Variants in CFAP46 observed in about 807,000 individuals in gnomAD.
The protein encoded by CFAP46 is cilia- and flagella-associated protein 46.
CFAP46 carries 245 observed loss-of-function variants against 325.7 expected under a neutral mutation model. That is an observed-to-expected ratio of 0.75 (90% CI 0.68 to 0.84). CFAP46 has a LOEUF of 0.84. Among genes scored for constraint, CFAP46 ranks in the 40% least tolerant of loss-of-function variants. CFAP46 has a pLI of 0.00. For missense variants in CFAP46, 3,346 were observed against 3,543.0 expected (o/e 0.94, Z 1.41); for synonymous variants, 1,523 against 1,495.9 (o/e 1.02, Z -0.42).
At chr10:132,879,809 C>T (rs779100471) in intron 28 of CFAP46, among the ~76,000 whole-genome samples, 178 bp from the exon 29 acceptor site, 12 of 152,172 alleles carry the variant, frequency 7.9e-5, no homozygotes, top group Non-Finnish European at 1.2e-4. Flanking sequence ...ACTTACTCTG[C>T]GAAGGCTGAG....
intron 4 of CFAP46, among the ~76,000 whole-genome samples, chr10:132,940,785 C>T (rs1467392855): frequency 6.6e-6 from 1 of 152,130 alleles, no homozygotes; most frequent in Non-Finnish European, 1.5e-5. Flanking sequence ...CGAAAACCGC[C>T]GAGTGCAAAA....
rs911200421 is a variant in CFAP46, at chr10:132,913,268, G to A, written c.2121-10C>T. Reference sequence around the variant, plus strand: ...ACTCTCGATCCAGGTTCTGCAAAACGAGCACCACCAAGCCCTTAATGCAGG... The same window carrying A: ...ACTCTCGATCCAGGTTCTGCAAAACAAGCACCACCAAGCCCTTAATGCAGG... On this transcript the variant is annotated splice_polypyrimidine_tract_variant and intron_variant, in intron 17 of 57. Coordinates refer to ENST00000368586, the MANE Select transcript of CFAP46 (RefSeq NM_001200049.3). 6.5e-6 allele frequency: 10 copies of A among 1,546,088 alleles called. No homozygotes were observed. Among genetic ancestry groups the A allele is most frequent in the African/African-American group, 4.1e-5 (3 of 72,948 alleles).
chr10:132,934,937 C>A (rs1287348722), intron 7 of CFAP46, 75 bp from the exon 8 acceptor site: 2 of 957,294 alleles, frequency 2.1e-6, no homozygotes, highest in Admixed American at 3.9e-5. Context: ...AGAAACTCTG[C>A]GTGTATGAAA....
In CFAP46 at chr10:132,919,569, GC is replaced by G; in HGVS notation, c.1731-128del. ...CTCTGCAGTTTCAAGGTGGCAAGGAGCCCGGCACTCGCGCTGGGTACGGCCT... is the reference window on the plus strand; with the variant it reads ...CTCTGCAGTTTCAAGGTGGCAAGGAGCCGGCACTCGCGCTGGGTACGGCCT... On this transcript the variant is annotated intron_variant, in intron 14 of 57. Transcript: ENST00000368586. The surrounding 1 kb of genome is among the most constrained non-coding windows in gnomAD (Gnocchi z 9.7). 1 of 1,273,728 alleles carries G rather than the reference GC, an allele frequency of 7.9e-7. No homozygotes were observed. Among genetic ancestry groups the G allele is most frequent in the Non-Finnish European group, 1.1e-6 (1 of 944,600 alleles). 78.9% of individuals were successfully genotyped at this position (1,273,728 alleles called of 1,614,324 possible).
At chr10:132,866,438 C>G (rs1178280449) in intron 34 of CFAP46, among the ~76,000 whole-genome samples, 1 of 152,152 alleles carries the variant, frequency 6.6e-6, no homozygotes, top group Admixed American at 6.5e-5. Flanking sequence ...GCCAACTAAG[C>G]CCACCACTAG....
intron 17 of CFAP46, among the ~76,000 whole-genome samples, chr10:132,913,487 G>T (rs922978195): frequency 6.6e-6 from 1 of 152,158 alleles, no homozygotes; most frequent in Non-Finnish European, 1.5e-5. Flanking sequence ...TCACAGGAGC[G>T]CGAACCCTAT....
chr10:132,879,415 C>T lies in CFAP46; in HGVS notation c.4005+11G>A, dbSNP rs879004212. 2.0e-6 allele frequency: 3 copies of T among 1,494,598 alleles called. No homozygotes were observed. Among genetic ancestry groups the T allele is most frequent in the Non-Finnish European group, 2.7e-6 (3 of 1,117,926 alleles). The allele number at this position is 1,494,598 out of a possible 1,614,324, so 92.6% of individuals were successfully genotyped here. On this transcript the variant is annotated intron_variant, in intron 29 of 57. Coordinates refer to ENST00000368586, the MANE Select transcript of CFAP46 (RefSeq NM_001200049.3). Reference sequence around the variant, plus strand: ...TGCTGCAGGAGCAGGGGAGTCTGCGCTGGGCCTCACCTGCCAGATGTGCCT... The same window carrying T: ...TGCTGCAGGAGCAGGGGAGTCTGCGTTGGGCCTCACCTGCCAGATGTGCCT...
At chr10:132,936,180 C>G (rs1262536693) in intron 7 of CFAP46, among the ~76,000 whole-genome samples, 2 of 122,258 alleles carry the variant, frequency 1.6e-5, no homozygotes, top group Admixed American at 8.2e-5. Flanking sequence ...GATCTCCTCA[C>G]TCCCCTCAGC....
intron 24 of CFAP46, among the ~76,000 whole-genome samples, chr10:132,897,610 G>A (rs1323085252): frequency 1.3e-5 from 2 of 152,272 alleles, no homozygotes; most frequent in African/African-American, 2.4e-5. Flanking sequence ...CCAGGAAGCT[G>A]CATCTGGCCC....
chr10:132,912,251 TCTCTCTTCC>T (rs1242789926), intron 19 of CFAP46, among the ~76,000 whole-genome samples: 4,874 of 134,248 alleles, frequency 0.036, 312 homozygotes, highest in South Asian at 0.06. Flanking sequence ...CTTTCCTCTC[TCTCTCTTCC>T]CTCTCCTCTC....
At chr10:132,838,735 C>T (rs866923708) in intron 44 of CFAP46, among the ~76,000 whole-genome samples, 35 of 152,254 alleles carry the variant, frequency 2.3e-4, no homozygotes, top group African/African-American at 5.5e-4. Context: ...TTCTACCGGG[C>T]GCAGAGTCAG....
intron 17 of CFAP46, among the ~76,000 whole-genome samples, chr10:132,915,682 C>T (rs983952487): frequency 7.2e-5 from 11 of 152,334 alleles, no homozygotes; most frequent in Admixed American, 6.5e-4. Context: ...CGGGGACACC[C>T]GAGCTTACCA....
chr10:132,820,537 ACTGATGTGTGCTGTGTGTG>A (rs1565034515), intron 50 of CFAP46, among the ~76,000 whole-genome samples: 2 of 101,816 alleles, frequency 2.0e-5, no homozygotes, highest in African/African-American at 3.9e-5. Flanking sequence ...CTGTGTGTGC[ACTGATGTGTGCTGTGTGTG>A]CTGATGTGTG....
intron 19 of CFAP46, among the ~76,000 whole-genome samples, chr10:132,912,175 C>T (rs1849550522): frequency 7.2e-6 from 1 of 138,088 alleles, no homozygotes; most frequent in South Asian, 2.6e-4. Context: ...TCTCTCTCCT[C>T]CTCTCTCCTG....
chr10:132,826,454 G>A (rs1426321121), intron 50 of CFAP46, among the ~76,000 whole-genome samples: 12 of 86,974 alleles, frequency 1.4e-4, no homozygotes, highest in South Asian at 4.0e-4. Flanking sequence ...CCAGGCAGGA[G>A]CCGGAGCCAC....
Position 132,922,128 on chromosome 10 carries a change from G to T in CFAP46, c.1582C>A (p.Leu528Met). The T allele has an allele frequency of 1.3e-6, 2 of 1,550,352 alleles. No individual in the cohort carries two copies. The highest frequency in any genetic ancestry group is 1.7e-6 in the Non-Finnish European group (2 of 1,146,936). The change falls in exon 13 of 58, where the codon CTG (leucine) becomes ATG (methionine). Residue 528 changes from leucine (L) to methionine (M), a missense_variant. Physicochemically the swap from Leu to Met is conservative, Grantham distance 15. Transcript: ENST00000368586. ...ALAPDAFQIV[L>M]DSENEAKVST... ...CCTTTGGCCTCATTCTCACTGTCCA[G>T]CACAATCTGAAACGCGTCAGGGGCT...
At position 132,809,092 on chromosome 10, in the gene CFAP46, G is replaced by C. The variant is rs923950777; in HGVS notation, c.7665-188C>G. The stretch of plus-strand genomic sequence containing the variant: ...CACCCCTCCCGCACCGAGGTGTCCA[G>C]GCCCGCGCAGCCGGGTGACGGCACC... On this transcript the variant is annotated intron_variant, in intron 57 of 57. Transcript: ENST00000368586. Among the ~76,000 whole-genome samples the C allele has an allele frequency of 5.3e-5, 8 of 152,176 alleles. No individual in the cohort carries two copies. The East Asian group carries it at 1.6e-3, about 30-fold the overall frequency.
chr10:132,854,428 C>T (rs562414523), intron 39 of CFAP46, among the ~76,000 whole-genome samples: 2 of 152,332 alleles, frequency 1.3e-5, no homozygotes, highest in Admixed American at 1.3e-4. Context: ...GCTCTTCCCC[C>T]CCAGGTTCAC....
intron 11 of CFAP46, among the ~76,000 whole-genome samples, chr10:132,924,467 C>T (rs890582310): frequency 3.3e-5 from 5 of 152,216 alleles, no homozygotes; most frequent in Admixed American, 6.5e-5. Flanking sequence ...CACAGATGCC[C>T]GTGAGGCAAG....
Sources: allele counts gnomAD v4.1 joint callset (sites outside exome capture counted in the v4.1 genomes callset), GRCh38; gene constraint gnomAD v4.1.1; non-coding constraint Gnocchi (gnomAD v3.1); transcripts MANE v1.5; gene names NCBI Gene and HGNC (gene_info 2026-07-23, HGNC 2026-07-21).